The following HS6ST1 variants were observed in gnomAD, a reference collection of about 807,000 sequenced individuals.
HS6ST1 encodes heparan-sulfate 6-O-sulfotransferase 1.
In HS6ST1, 3 loss-of-function variants were observed where a neutral mutation model predicts 25.2. The observed-to-expected ratio is 0.12, with a 90% confidence interval of 0.05 to 0.31. The LOEUF (loss-of-function observed/expected upper bound fraction) is 0.31. HS6ST1 is among the 10% of genes least tolerant of loss of function. The pLI is 1.00. For synonymous variants in HS6ST1, 204 were observed against 275.1 expected (o/e 0.74, Z 2.56); for missense variants, 310 against 609.6 (o/e 0.51, Z 5.18).
chr2:128,304,209 C>T (rs1385664326), intron 1 of HS6ST1, among the ~76,000 whole-genome samples: 1 of 152,228 alleles, frequency 6.6e-6, no homozygotes, highest in Admixed American at 6.5e-5. Flanking sequence ...TCCTCTTTCA[C>T]CTGTCTCTAT....
intron 1 of HS6ST1, among the ~76,000 whole-genome samples, chr2:128,313,380 A>G (rs537294932): frequency 2.0e-5 from 3 of 152,336 alleles, no homozygotes; most frequent in African/African-American, 7.2e-5. Flanking sequence ...GAGCAGCTGC[A>G]GCCACTCAAA....
intron 1 of HS6ST1, among the ~76,000 whole-genome samples, chr2:128,311,930 C>T (rs1221707755): frequency 3.3e-5 from 5 of 152,236 alleles, no homozygotes; most frequent in East Asian, 1.9e-4. Context: ...AGCCAAGCAC[C>T]GCCATGGGCA....
chr2:128,307,032 T>TG (rs925603390), intron 1 of HS6ST1, among the ~76,000 whole-genome samples: 11 of 151,298 alleles, frequency 7.3e-5, no homozygotes, highest in Middle Eastern at 3.4e-3. Flanking sequence ...GGAGTTGGGG[T>TG]GGGGGGGTCC....
intron 1 of HS6ST1, among the ~76,000 whole-genome samples, chr2:128,287,739 T>C (rs996201315): frequency 6.6e-6 from 1 of 152,216 alleles, no homozygotes; most frequent in Non-Finnish European, 1.5e-5. Context: ...TGCTGCTGAC[T>C]GGACACCTGG....
At chr2:128,303,705 G>A (rs1285210389) in intron 1 of HS6ST1, among the ~76,000 whole-genome samples, 2 of 152,212 alleles carry the variant, frequency 1.3e-5, no homozygotes, top group Non-Finnish European at 2.9e-5. Flanking sequence ...ATAAATGGCT[G>A]AGGCTCCCTT....
chr2:128,313,057 T>C (rs1573711569), intron 1 of HS6ST1, among the ~76,000 whole-genome samples: 1 of 151,362 alleles, frequency 6.6e-6, no homozygotes, highest in South Asian at 2.1e-4. Context: ...AGAGTGAGAC[T>C]CCATCTCAAA....
At chr2:128,311,392 G>A (rs771733801) in intron 1 of HS6ST1, among the ~76,000 whole-genome samples, 1 of 152,108 alleles carries the variant, frequency 6.6e-6, no homozygotes, top group African/African-American at 2.4e-5. Context: ...TCTGCCTCCC[G>A]CCTGAATCAT....
rs367834321 is a variant in HS6ST1, at chr2:128,268,169, T to C, written c.1229A>G (p.Lys410Arg). The change falls in exon 2 of 2, where the codon AAG becomes AGG. Residue 410 changes from lysine (K) to arginine (R), a missense_variant. Lys to Arg is a conservative substitution (Grantham distance 26, BLOSUM62 2). This residue lies in a region of HS6ST1 where 140 missense variants were observed against 176.5 expected (regional missense o/e 0.79). Transcript: ENST00000259241. The stretch of plus-strand genomic sequence containing the variant: ...CCGTGGCCACCACCGCCACTACCAC[T>C]TCTCAATGATGTGGCTCATGTAGTC... ...TEDYMSHIIEKW is the reference protein window; with the variant it reads ...TEDYMSHIIERW 2 of 1,608,056 alleles carry C rather than the reference T, an allele frequency of 1.2e-6. No individual in the cohort carries two copies. The highest frequency in any genetic ancestry group is 8.5e-7 in the Non-Finnish European group (1 of 1,178,256).
chr2:128,276,972 T>C (rs562319328), intron 1 of HS6ST1, among the ~76,000 whole-genome samples: 11 of 152,268 alleles, frequency 7.2e-5, no homozygotes, highest in Admixed American at 2.6e-4. Context: ...GGGTGGCCGG[T>C]TTCCAGGGCA....
In HS6ST1 at chr2:128,318,313, T is replaced by G; in HGVS notation, c.251A>C (p.Lys84Thr). 6.2e-7 allele frequency: 1 copy of G among 1,611,742 alleles called. No individual in the cohort carries two copies. Reference sequence around the variant, plus strand: ...CAGGAAGACGATCACGTCGTCGCCCTTCATGTCGAAGCGCAGCGAGCGCTC... The same window carrying G: ...CAGGAAGACGATCACGTCGTCGCCCGTCATGTCGAAGCGCAGCGAGCGCTC... ...ELERSLRFDM[K>T]GDDVIVFLHI... is the part of the protein sequence containing the mutation. The change falls in exon 1 of 2, where the codon AAG becomes ACG. Residue 84 changes from lysine (K) to threonine (T), a missense_variant. This residue lies in a region of HS6ST1 where 9 missense variants were observed against 27.4 expected (regional missense o/e 0.33). Transcript: ENST00000259241. The surrounding 1 kb of genome is among the most constrained non-coding windows in gnomAD (Gnocchi z 5.7).
intron 1 of HS6ST1, among the ~76,000 whole-genome samples, chr2:128,282,578 G>C (rs1693804418): frequency 6.6e-6 from 1 of 152,258 alleles, no homozygotes; most frequent in African/African-American, 2.4e-5. Flanking sequence ...CAGATGGGCA[G>C]AGACCCCGAG....
At chr2:128,304,378 T>C (rs1694176870) in intron 1 of HS6ST1, among the ~76,000 whole-genome samples, 1 of 152,228 alleles carries the variant, frequency 6.6e-6, no homozygotes. Context: ...GGGACAGAGA[T>C]GGTGCATGGT....
chr2:128,309,812 G>C (rs1021265430), intron 1 of HS6ST1, among the ~76,000 whole-genome samples: 10 of 152,344 alleles, frequency 6.6e-5, no homozygotes, highest in South Asian at 4.1e-4. Context: ...ATGGCACGCG[G>C]ACAGCTGCTG....
intron 1 of HS6ST1, among the ~76,000 whole-genome samples, chr2:128,315,741 G>A (rs1694352615): frequency 6.6e-6 from 1 of 152,204 alleles, no homozygotes; most frequent in African/African-American, 2.4e-5. Context: ...CTCAGGTGGC[G>A]GGGCAGCGCT....
At chr2:128,279,330 CTTTTTT>C (rs61670210) in intron 1 of HS6ST1, among the ~76,000 whole-genome samples, 1 of 124,722 alleles carries the variant, frequency 8.0e-6, no homozygotes, top group African/African-American at 3.1e-5. Context: ...ATGACAGAAC[CTTTTTT>C]TTTTTTTTTT....
intron 1 of HS6ST1, among the ~76,000 whole-genome samples, chr2:128,272,479 A>G (rs1053742215): frequency 2.0e-5 from 3 of 152,140 alleles, no homozygotes; most frequent in Non-Finnish European, 4.4e-5. Flanking sequence ...CGACCTACTG[A>G]CCATCACGGG....
rs553413927 is a variant in HS6ST1, at chr2:128,310,739, G to A, written c.527+7298C>T. Among the ~76,000 whole-genome samples, 10 of 152,224 alleles carry A rather than the reference G, an allele frequency of 6.6e-5. No homozygotes were observed. The South Asian group carries it at 2.1e-3, about 32-fold the overall frequency. ...AGCACTTGAACACTCCTGTGTGGGC[G>A]TGTACCTGCCATGTTTTTCCAAAAC... On this transcript the variant is annotated intron_variant, in intron 1 of 1. Transcript: ENST00000259241.
At chr2:128,309,043 G>C (rs1164576361) in intron 1 of HS6ST1, among the ~76,000 whole-genome samples, 2 of 152,220 alleles carry the variant, frequency 1.3e-5, no homozygotes, top group African/African-American at 2.4e-5. Flanking sequence ...AGCTGCAGAA[G>C]CCTGTGAGAT....
chr2:128,269,437 C>T (rs1471085219), intron 1 of HS6ST1, among the ~76,000 whole-genome samples: 1 of 152,188 alleles, frequency 6.6e-6, no homozygotes, highest in East Asian at 1.9e-4. Context: ...CCCCAAGACA[C>T]CAACGCATTG....
Sources: gnomAD v4.1 joint callset for allele counts (sites outside exome capture counted in the v4.1 genomes callset) on GRCh38, gnomAD v4.1.1 for gene constraint, gnomAD v4.1.1 regional missense constraint, Gnocchi (gnomAD v3.1) non-coding constraint, MANE v1.5 for transcripts, NCBI Gene and HGNC (gene_info 2026-07-23, HGNC 2026-07-21) for gene names.